The following PCDHGA6 variants were observed in gnomAD, a reference collection of about 807,000 sequenced individuals.
PCDHGA6 encodes the protein protocadherin gamma subfamily A, 6.
In PCDHGA6, 41 loss-of-function variants were observed where a neutral mutation model predicts 60.6. The ratio of observed to expected loss-of-function variants is 0.68; its 90% CI spans 0.53 to 0.88. PCDHGA6 has a LOEUF of 0.88. Among genes scored for constraint, PCDHGA6 ranks in the 40% least tolerant of loss-of-function variants. The pLI is 0.00. For missense variants in PCDHGA6, 1,312 were observed against 1,203.0 expected (o/e 1.09, Z -1.34); for synonymous variants, 594 against 524.4 (o/e 1.13, Z -1.81).
intron 1 of PCDHGA6, chr5:141,404,606 G>T: frequency 6.2e-7 from 1 of 1,614,106 alleles, no homozygotes; most frequent in Non-Finnish European, 8.5e-7. Flanking sequence ...GAGACTGTTT[G>T]TTTTGGACCA....
intron 1 of PCDHGA6, chr5:141,385,071 G>T (rs1325191501): frequency 6.2e-7 from 1 of 1,614,088 alleles, no homozygotes; most frequent in Non-Finnish European, 8.5e-7. Flanking sequence ...AGTCACGCCT[G>T]CTGCAGGCTT....
At position 141,375,862 on chromosome 5, in the gene PCDHGA6, G is replaced by A. The variant is rs759161440; in HGVS notation, c.1779G>A (p.Ala593=). 2 of 1,613,976 alleles carry A rather than the reference G, an allele frequency of 1.2e-6. No individual in the cohort carries two copies. Among genetic ancestry groups the A allele is most frequent in the Admixed American group, 1.7e-5 (1 of 60,024 alleles). Reference sequence around the variant, plus strand: ...GCTACCTGGTGACCAAGGTGGTGGCGGTGGACAGAGACTCGGGCCAGAACG... The same window carrying A: ...GCTACCTGGTGACCAAGGTGGTGGCAGTGGACAGAGACTCGGGCCAGAACG... ...EPGYLVTKVV[A]VDRDSGQNAW... The change falls in exon 1 of 4, where the codon GCG becomes GCA. Residue 593 remains alanine, a synonymous_variant. Coordinates refer to ENST00000517434, the MANE Select transcript of PCDHGA6 (RefSeq NM_018919.3).
chr5:141,409,183 C>G (rs1217234895), intron 1 of PCDHGA6: 6 of 1,614,028 alleles, frequency 3.7e-6, no homozygotes, highest in Non-Finnish European at 5.1e-6. Context: ...GAGGTGGTCT[C>G]TCTACCCAGT....
chr5:141,375,835 C>G lies in PCDHGA6; in HGVS notation c.1752C>G (p.Pro584=), dbSNP rs772317330. The G allele has an allele frequency of 6.2e-7, 1 of 1,613,984 alleles. No individual in the cohort carries two copies. Among genetic ancestry groups the G allele is most frequent in the African/African-American group, 1.3e-5 (1 of 74,954 alleles). The change falls in exon 1 of 4, where the codon CCC becomes CCG. Residue 584 remains proline, a synonymous_variant. Coordinates refer to ENST00000517434, the MANE Select transcript of PCDHGA6 (RefSeq NM_018919.3). ...AGCTGGCGCCCCGCTCCGCAGAGCC[C>G]GGCTACCTGGTGACCAAGGTGGTGG... is the stretch of plus-strand genomic sequence containing the variant. ...GVELAPRSAE[P]GYLVTKVVAV...
intron 1 of PCDHGA6, among the ~76,000 whole-genome samples, chr5:141,457,898 A>T (rs1035775197): frequency 6.6e-6 from 1 of 151,874 alleles, no homozygotes; most frequent in Non-Finnish European, 1.5e-5. Context: ...GACTGTGTAG[A>T]CAAGGTGTGA....
intron 1 of PCDHGA6, chr5:141,409,000 C>CACTG: frequency 6.2e-7 from 1 of 1,613,950 alleles, no homozygotes; most frequent in Non-Finnish European, 8.5e-7. Flanking sequence ...AAGTGACAGC[C>CACTG]ACTGACCAGG....
chr5:141,498,672 C>T (rs1034911993), intron 2 of PCDHGA6, among the ~76,000 whole-genome samples: 3 of 152,218 alleles, frequency 2.0e-5, no homozygotes, highest in South Asian at 4.1e-4. Context: ...TGGCTCACGC[C>T]TGTAATCCCA....
intron 1 of PCDHGA6, chr5:141,399,525 C>G: frequency 6.2e-7 from 1 of 1,614,058 alleles, no homozygotes; most frequent in Non-Finnish European, 8.5e-7. Flanking sequence ...CTGGGGCCTC[C>G]ATCGCGCAAG....
chr5:141,379,154 T>A (rs1446393150), intron 1 of PCDHGA6: 4 of 152,232 alleles, frequency 2.6e-5, no homozygotes, highest in Non-Finnish European at 5.9e-5. Context: ...GTAACCTGAC[T>A]TTGTCAGTCT....
chr5:141,446,043 A>T (rs1374577548), intron 1 of PCDHGA6, among the ~76,000 whole-genome samples: 2 of 152,226 alleles, frequency 1.3e-5, no homozygotes, highest in Non-Finnish European at 2.9e-5. Flanking sequence ...AAATGGAAGA[A>T]GAGCTGGCTT....
chr5:141,478,941 A>G (rs889484528), intron 1 of PCDHGA6: 2 of 589,470 alleles, frequency 3.4e-6, no homozygotes, highest in Non-Finnish European at 5.6e-6. Context: ...TTCTAGGAAT[A>G]CAAAAACTAC....
At chr5:141,463,532 T>G (rs1237301892) in intron 1 of PCDHGA6, among the ~76,000 whole-genome samples, 1 of 133,692 alleles carries the variant, frequency 7.5e-6, no homozygotes, top group African/African-American at 2.8e-5. Flanking sequence ...TACTAGAAAC[T>G]CCGGCTCCCG....
intron 1 of PCDHGA6, chr5:141,393,783 G>C: frequency 6.2e-7 from 1 of 1,613,982 alleles, no homozygotes. Context: ...AGCCGAAGAT[G>C]TGGGGGCACT....
At chr5:141,446,767 G>T (rs891355909) in intron 1 of PCDHGA6, among the ~76,000 whole-genome samples, 1 of 152,118 alleles carries the variant, frequency 6.6e-6, no homozygotes, top group African/African-American at 2.4e-5. Flanking sequence ...GCGCCCAGCC[G>T]GTTACCATTC....
intron 1 of PCDHGA6, chr5:141,421,478 G>C: frequency 6.2e-7 from 1 of 1,614,130 alleles, no homozygotes. Context: ...CGAAGCGGCA[G>C]CTTGATCACG....
At chr5:141,408,205 G>A (rs1222360149) in intron 1 of PCDHGA6, 2 of 1,551,762 alleles carry the variant, frequency 1.3e-6, no homozygotes, top group Non-Finnish European at 1.7e-6. Context: ...AGCGAACGAT[G>A]GGAGGGAGCT....
intron 1 of PCDHGA6, chr5:141,441,894 G>T: frequency 2.9e-6 from 1 of 347,862 alleles, no homozygotes; most frequent in Non-Finnish European, 5.6e-6. Context: ...CCAAGGTGGT[G>T]GCTGTAGACG....
At chr5:141,403,334 G>T (rs2094392979) in intron 1 of PCDHGA6, 2 of 1,613,972 alleles carry the variant, frequency 1.2e-6, no homozygotes, top group Non-Finnish European at 1.7e-6. Flanking sequence ...TGATATTAAC[G>T]ACAGCGCCCC....
chr5:141,394,633 G>T, intron 1 of PCDHGA6: 2 of 1,613,390 alleles, frequency 1.2e-6, no homozygotes, highest in Non-Finnish European at 1.7e-6. Context: ...CTGTCCTACC[G>T]CCTGCTCAAG....
Sources: gnomAD v4.1 joint callset for allele counts (sites outside exome capture counted in the v4.1 genomes callset) on GRCh38, gnomAD v4.1.1 for gene constraint, MANE v1.5 for transcripts, NCBI Gene and HGNC (gene_info 2026-07-23, HGNC 2026-07-21) for gene names.